The following AFF1 variants were observed in gnomAD, a reference collection of about 807,000 sequenced individuals.
AFF1 encodes AF4/FMR2 family member 1.
In AFF1, 48 loss-of-function variants were observed where a neutral mutation model predicts 121.7. The ratio of observed to expected loss-of-function variants is 0.39; its 90% CI spans 0.31 to 0.50. The LOEUF is 0.50. Ranked by LOEUF, AFF1 falls within the 20% of genes least tolerant of loss-of-function variation. The pLI is 0.76. For synonymous variants in AFF1, 613 were observed against 563.0 expected (o/e 1.09, Z -1.26); for missense variants, 1,523 against 1,511.7 (o/e 1.01, Z -0.12).
At chr4:87,007,927 C>G (rs968112430) in intron 2 of AFF1, among the ~76,000 whole-genome samples, 1 of 152,112 alleles carries the variant, frequency 6.6e-6, no homozygotes, top group Non-Finnish European at 1.5e-5. Flanking sequence ...GCCCCGCTTA[C>G]GTGAATCTGC....
intron 12 of AFF1, among the ~76,000 whole-genome samples, chr4:87,122,434 A>T (rs1341711109): frequency 2.0e-5 from 3 of 152,220 alleles, no homozygotes; most frequent in Non-Finnish European, 4.4e-5. Flanking sequence ...TGCTGCGCAG[A>T]GCCCTGTCGC....
rs1453598646 is a variant in AFF1, at chr4:87,089,964, C to G, written c.1105-20C>G. 1.9e-6 allele frequency: 3 copies of G among 1,596,862 alleles called. No individual in the cohort carries two copies. Among genetic ancestry groups the G allele is most frequent in the Non-Finnish European group, 2.6e-6 (3 of 1,165,674 alleles). ...CTATTTATAATTTACTTTTTCTTCC[C>G]TTTCCAAATATCTTTCCAGGAAATG... On this transcript the variant is annotated intron_variant, in intron 5 of 20. Coordinates refer to ENST00000395146, the MANE Select transcript of AFF1 (RefSeq NM_001166693.3).
chr4:87,102,098 A>C (rs1029123781), intron 8 of AFF1, among the ~76,000 whole-genome samples: 26 of 152,240 alleles, frequency 1.7e-4, no homozygotes, highest in Admixed American at 1.7e-3. Flanking sequence ...AAGGGTTTTG[A>C]GAATTGTTTG....
intron 2 of AFF1, among the ~76,000 whole-genome samples, chr4:86,957,388 A>G (rs1391992451): frequency 6.6e-6 from 1 of 152,194 alleles, no homozygotes; most frequent in Non-Finnish European, 1.5e-5. Context: ...CATTATTTCA[A>G]AATCTGAGTC....
intron 2 of AFF1, among the ~76,000 whole-genome samples, chr4:86,954,536 G>A (rs1721605417): frequency 6.6e-6 from 1 of 152,076 alleles, no homozygotes; most frequent in South Asian, 2.1e-4. Flanking sequence ...GACCAGCCTG[G>A]GCAACATGGT....
chr4:86,946,491 G>A (rs2149447565), intron 1 of AFF1, among the ~76,000 whole-genome samples: 1 of 92,676 alleles, frequency 1.1e-5, no homozygotes, highest in Non-Finnish European at 2.0e-5. Context: ...TACTCAAGCA[G>A]TCCTCCCACC....
chr4:87,131,729 A>C, intron 17 of AFF1, 64 bp from the exon 18 acceptor site: 1 of 1,304,072 alleles, frequency 7.7e-7, no homozygotes. Context: ...GGAAACAAGC[A>C]TAGTAAGTTG....
At chr4:87,071,972 C>T (rs1284091152) in intron 4 of AFF1, among the ~76,000 whole-genome samples, 1 of 152,030 alleles carries the variant, frequency 6.6e-6, no homozygotes, top group Non-Finnish European at 1.5e-5. Context: ...ATCTTTTAAA[C>T]TTCTTGGTTG....
intron 4 of AFF1, among the ~76,000 whole-genome samples, chr4:87,067,364 T>C (rs934660086): frequency 2.6e-5 from 4 of 152,240 alleles, no homozygotes; most frequent in Admixed American, 2.0e-4. Flanking sequence ...TCTACAAACA[T>C]CTCCTGAGAT....
intron 2 of AFF1, among the ~76,000 whole-genome samples, chr4:86,961,587 G>C (rs1368324667): frequency 2.6e-5 from 4 of 151,672 alleles, no homozygotes; most frequent in South Asian, 2.1e-4. Flanking sequence ...GGTGTGGGAA[G>C]GGGGGGCTGA....
intron 2 of AFF1, among the ~76,000 whole-genome samples, chr4:86,983,292 C>T (rs1723920308): frequency 6.6e-6 from 1 of 152,122 alleles, no homozygotes; most frequent in Non-Finnish European, 1.5e-5. Flanking sequence ...TTTTGGGAGG[C>T]CAAGGTGGGA....
chr4:86,991,899 TTTATTGAATTTTCTTTCAACCTTCA>T (rs1724760774), intron 2 of AFF1, among the ~76,000 whole-genome samples: 1 of 151,878 alleles, frequency 6.6e-6, no homozygotes, highest in South Asian at 2.1e-4. Context: ...TTTGGTCCTA[TTTATTGAATTTTCTTTCAACCTTCA>T]GACACTTCTC....
At position 87,135,588 on chromosome 4, in the gene AFF1, G is replaced by A. The variant is rs1342896463; in HGVS notation, c.3544G>A (p.Ala1182Thr). 1.3e-6 allele frequency: 2 copies of A among 1,569,578 alleles called. No individual in the cohort carries two copies. The highest frequency in any genetic ancestry group is 1.7e-6 in the Non-Finnish European group (2 of 1,154,914). Residue 1182 changes from alanine to threonine, a missense_variant, in exon 21 of 21, where the codon GCT becomes ACT. By Grantham distance (58) the Ala-to-Thr change is moderately conservative (BLOSUM62 0). This residue lies in a region of AFF1 where 241 missense variants were observed against 265.2 expected (regional missense o/e 0.91). Transcript: ENST00000395146. The stretch of plus-strand genomic sequence containing the variant: ...TTTTGTTTTTTTTGCAGAATTCTTT[G>A]CTCGGCTCAGCACAAATGTGTGCAC... ...ALTRKNKEFFARLSTNVCTLA... is the reference protein window; with the variant it reads ...ALTRKNKEFFTRLSTNVCTLA...
At chr4:87,126,620 G>A (rs1172613928) in intron 14 of AFF1, among the ~76,000 whole-genome samples, 1 of 152,198 alleles carries the variant, frequency 6.6e-6, no homozygotes, top group Admixed American at 6.5e-5. Context: ...GTAAGAAATA[G>A]TTACCCTGTG....
In AFF1 at chr4:87,114,450, C is replaced by T. The variant is rs542956706; in HGVS notation, c.1617C>T (p.Pro539=). ...VSQPAAPPEG[P]RSTEPPRRHP... ...AGCCAGCTGCGCCACCAGAGGGCCC[C>T]AGGAGCACAGAGCCCCCACGGCGGC... The change falls in exon 12 of 21, where the codon CCC becomes CCT. Residue 539 remains proline, a synonymous_variant. Coordinates refer to ENST00000395146, the MANE Select transcript of AFF1 (RefSeq NM_001166693.3). The T allele has an allele frequency of 2.5e-6, 4 of 1,613,690 alleles. No homozygotes were observed. The East Asian group carries it at 8.9e-5, about 36-fold the overall frequency.
At chr4:87,043,351 T>C (rs1434645751) in intron 2 of AFF1, among the ~76,000 whole-genome samples, 1 of 152,158 alleles carries the variant, frequency 6.6e-6, no homozygotes, top group Admixed American at 6.5e-5. Context: ...CACTGGATAG[T>C]TTGGGAGAAT....
chr4:87,021,056 C>T (rs1331734803), intron 2 of AFF1, among the ~76,000 whole-genome samples: 4 of 152,098 alleles, frequency 2.6e-5, no homozygotes, highest in Admixed American at 6.6e-5. Flanking sequence ...ATTCACTGTA[C>T]CTTTGTATGC....
intron 2 of AFF1, among the ~76,000 whole-genome samples, chr4:87,022,281 C>CTAAA (rs2149561109): frequency 6.7e-6 from 1 of 149,770 alleles, no homozygotes; most frequent in African/African-American, 2.5e-5. Flanking sequence ...TTAACATTGA[C>CTAAA]TAAAGCAAGG....
intron 2 of AFF1, among the ~76,000 whole-genome samples, chr4:86,976,653 G>T (rs937104529): frequency 6.6e-6 from 1 of 152,142 alleles, no homozygotes; most frequent in Non-Finnish European, 1.5e-5. Flanking sequence ...GACCTAACAT[G>T]TACTATGCTT....
Sources: gnomAD v4.1 joint callset for allele counts (sites outside exome capture counted in the v4.1 genomes callset) on GRCh38, gnomAD v4.1.1 for gene constraint, gnomAD v4.1.1 regional missense constraint, MANE v1.5 for transcripts, NCBI Gene and HGNC (gene_info 2026-07-23, HGNC 2026-07-21) for gene names.